The following PPP1R13L variants were observed in gnomAD, a reference collection of about 807,000 sequenced individuals.
PPP1R13L encodes the protein protein phosphatase 1 regulatory subunit 13 like.
PPP1R13L carries 50 observed loss-of-function variants against 80.9 expected under a neutral mutation model. The ratio of observed to expected loss-of-function variants is 0.62; its 90% CI spans 0.49 to 0.78. The LOEUF (loss-of-function observed/expected upper bound fraction) is 0.78, where lower values mean the gene tolerates loss of function less well. PPP1R13L is among the 30% of genes least tolerant of loss of function. The pLI, the probability that PPP1R13L is intolerant of heterozygous loss-of-function variation, is 0.00. For missense variants in PPP1R13L, 1,200 were observed against 1,205.9 expected (o/e 1.00, Z 0.07); for synonymous variants, 602 against 534.3 (o/e 1.13, Z -1.75).
intron 1 of PPP1R13L, among the ~76,000 whole-genome samples, chr19:45,404,533 A>G (rs1230531611): frequency 6.6e-6 from 1 of 152,136 alleles, no homozygotes; most frequent in Non-Finnish European, 1.5e-5. Context: ...GCTCCACTTC[A>G]GGAACCCAGG....
intron 8 of PPP1R13L, among the ~76,000 whole-genome samples, chr19:45,387,741 T>TG (rs1972897351): frequency 6.6e-6 from 1 of 152,096 alleles, no homozygotes; most frequent in Non-Finnish European, 1.5e-5. Context: ...TTAGTAAAGA[T>TG]GGGGTTTCAC....
intron 11 of PPP1R13L, among the ~76,000 whole-genome samples, chr19:45,384,366 C>CAAAAAAAAAAAA (rs770216477): frequency 2.1e-4 from 19 of 91,124 alleles, no homozygotes; most frequent in African/African-American, 4.2e-4. Flanking sequence ...ACTAAAAATA[C>CAAAAAAAAAAAA]AAAAAAAAAA....
rs1263010417 is a variant in PPP1R13L at position 45,395,302 on chromosome 19, C to T, written c.1354+134G>A. On this transcript the variant is annotated intron_variant, in intron 7 of 12. Coordinates refer to ENST00000360957, the MANE Select transcript of PPP1R13L (RefSeq NM_006663.4). ...TACCCAAATTCCCAAACTCACCTGG[C>T]CTAGCTCTCTGCAGGGACAGTGCTT... 13 of 1,260,282 alleles carry T rather than the reference C, an allele frequency of 1.0e-5. No individual in the cohort carries two copies. In the East Asian group the frequency reaches 3.0e-4, roughly 30 times the overall value. The allele number at this position is 1,260,282 out of a possible 1,614,324, so 78.1% of individuals were successfully genotyped here. A position where few individuals can be genotyped will look rare whatever the true frequency, so the allele number is the denominator to read the frequency against.
At chr19:45,393,797 C>T (rs1024332172) in intron 7 of PPP1R13L, among the ~76,000 whole-genome samples, 7 of 151,700 alleles carry the variant, frequency 4.6e-5, no homozygotes, top group Admixed American at 3.9e-4. Context: ...GGCGTGAACC[C>T]GGGAGGCGGA....
chr19:45,394,264 T>C (rs1973036409), intron 7 of PPP1R13L, among the ~76,000 whole-genome samples: 1 of 151,946 alleles, frequency 6.6e-6, no homozygotes, highest in African/African-American at 2.4e-5. Context: ...CCTGAGTAGC[T>C]GGGACTACAG....
At position 45,380,898 on chromosome 19, in the gene PPP1R13L, G is replaced by A. The variant is rs569121380; in HGVS notation, c.2449-670C>T. Among the ~76,000 whole-genome samples the A allele has an allele frequency of 1.1e-3, 163 of 150,520 alleles. 1 individual carries two copies. Among genetic ancestry groups the A allele is most frequent in the African/African-American group, 3.8e-3 (154 of 41,058 alleles). On this transcript the variant is annotated intron_variant, in intron 12 of 12. Coordinates refer to ENST00000360957, the MANE Select transcript of PPP1R13L (RefSeq NM_006663.4). ...AAATCTCCCTTCTCAGGAATGTAACGGAATCTTCCTTGCCTTCTCCCCTAA... is the reference window on the plus strand; with the variant it reads ...AAATCTCCCTTCTCAGGAATGTAACAGAATCTTCCTTGCCTTCTCCCCTAA...
Position 45,382,684 on chromosome 19 carries a change from T to C in PPP1R13L, c.2291A>G (p.Tyr764Cys). Residue 764 changes from tyrosine (Y) to cysteine (C), a missense_variant, in exon 12 of 13, where the codon TAC becomes TGC. Tyr to Cys is a radical substitution (Grantham distance 194). Coordinates refer to ENST00000360957, the MANE Select transcript of PPP1R13L (RefSeq NM_006663.4). ...SMGLMNSGAVYALWDYSAEFG... is the reference protein window; with the variant it reads ...SMGLMNSGAVCALWDYSAEFG... ...CTCGGCGCTGTAGTCCCAGAGAGCG[T>C]ACACTGCCCCGCTGTTCATCAGCCC... The C allele has an allele frequency of 1.2e-6, 2 of 1,614,014 alleles. No homozygotes were observed. The highest frequency in any genetic ancestry group is 1.7e-6 in the Non-Finnish European group (2 of 1,180,042).
chr19:45,404,695 C>G (rs776599606), intron 1 of PPP1R13L, among the ~76,000 whole-genome samples: 3 of 152,182 alleles, frequency 2.0e-5, no homozygotes, highest in Non-Finnish European at 4.4e-5. Flanking sequence ...GGGATTCGAA[C>G]CCCTATACTA....
chr19:45,392,022 C>T lies in PPP1R13L; in HGVS notation c.1673G>A (p.Gly558Glu). 1.3e-6 allele frequency: 2 copies of T among 1,542,318 alleles called. No individual in the cohort carries two copies. The highest frequency in any genetic ancestry group is 1.4e-5 in the African/African-American group (1 of 71,808). ...CAGCTCTGGCTCCGGCCCCCCGGGC[C>T]CTGGCCCCCCATGACGATGGAAGAG... is the stretch of plus-strand genomic sequence containing the variant. ...SRLFHRHGGP[G>E]PGGPEPELSP... The change falls in exon 8 of 13, where the codon GGG becomes GAG. Residue 558 changes from glycine (G) to glutamate (E), a missense_variant. Around this residue, in one of 5 missense-constraint regions of PPP1R13L, gnomAD observed 214 missense variants for 199.6 expected, o/e 1.07. Transcript: ENST00000360957.
intron 7 of PPP1R13L, 131 bp from the exon 8 acceptor site, chr19:45,392,471 T>C: frequency 1.1e-6 from 1 of 901,508 alleles, no homozygotes; most frequent in Non-Finnish European, 1.8e-6. Flanking sequence ...TTGCCCTCTC[T>C]GGGCTACACT....
chr19:45,381,305 G>A (rs1266128249), intron 12 of PPP1R13L, among the ~76,000 whole-genome samples: 2 of 150,990 alleles, frequency 1.3e-5, no homozygotes, highest in Non-Finnish European at 2.9e-5. Context: ...CAGGAGATCC[G>A]CCCGCCTTGG....
intron 3 of PPP1R13L, among the ~76,000 whole-genome samples, chr19:45,397,509 T>TCTTTCTTC (rs1973136584): frequency 6.8e-6 from 1 of 146,966 alleles, no homozygotes; most frequent in African/African-American, 2.6e-5. Context: ...TTTCTTTCTT[T>TCTTTCTTC]CTTTCTTTTC....
At chr19:45,402,448 C>T (rs1973252061) in intron 1 of PPP1R13L, among the ~76,000 whole-genome samples, 1 of 152,372 alleles carries the variant, frequency 6.6e-6, no homozygotes, top group African/African-American at 2.4e-5. Flanking sequence ...AATGCCAACC[C>T]TGGGTGTGGG....
intron 7 of PPP1R13L, chr19:45,393,204 T>TAG: frequency 6.7e-6 from 1 of 150,110 alleles, no homozygotes; most frequent in South Asian, 2.1e-4. Flanking sequence ...AAAATATATA[T>TAG]ATATACACAC....
Position 45,396,824 on chromosome 19 carries a change from C to T in PPP1R13L, c.433G>A (p.Ala145Thr). The change falls in exon 4 of 13, where the codon GCC (alanine) becomes ACC (threonine). Residue 145 changes from alanine to threonine, a missense_variant. Ala to Thr is a moderately conservative substitution (Grantham distance 58). This residue lies in a region of PPP1R13L where 764 missense variants were observed against 714.5 expected (regional missense o/e 1.07). Coordinates refer to ENST00000360957, the MANE Select transcript of PPP1R13L (RefSeq NM_006663.4). This position sits in a 1 kb window ranked among gnomAD's most constrained non-coding sequence, Gnocchi z 5.3. ...LDRATSPRPR[A>T]FDGAGSSLGR... ...AGGGAGCTGCCTGCGCCATCGAAGG[C>T]GCGGGGCCGGGGCGAGGTCGCGCGG... 2 of 1,466,950 alleles carry T rather than the reference C, an allele frequency of 1.4e-6. No individual in the cohort carries two copies. The highest frequency in any genetic ancestry group is 2.9e-5 in the East Asian group (1 of 34,934). The allele number at this position is 1,466,950 out of a possible 1,614,324, so 90.9% of individuals were successfully genotyped here.
chr19:45,389,615 G>C (rs1453005413), intron 8 of PPP1R13L, among the ~76,000 whole-genome samples: 1 of 152,016 alleles, frequency 6.6e-6, no homozygotes, highest in Non-Finnish European at 1.5e-5. Flanking sequence ...TTCAAGACCA[G>C]CCTAGCCAAC....
intron 1 of PPP1R13L, among the ~76,000 whole-genome samples, chr19:45,399,436 A>G (rs146919699): frequency 0.012 from 1,702 of 147,926 alleles, 38 homozygotes; most frequent in African/African-American, 0.038. Flanking sequence ...CATCCTGGCT[A>G]ACATGGTGAA....
At chr19:45,382,412 TC>T (rs1285347870) in intron 12 of PPP1R13L, 114 bp downstream of exon 12, 51 of 1,259,676 alleles carry the variant, frequency 4.0e-5, no homozygotes, top group Non-Finnish European at 5.5e-5. Context: ...TTTTCAGACC[TC>T]CCTCTCCCAA....
intron 8 of PPP1R13L, among the ~76,000 whole-genome samples, chr19:45,391,224 G>T (rs1431916782): frequency 6.6e-6 from 1 of 151,368 alleles, no homozygotes; most frequent in Non-Finnish European, 1.5e-5. Flanking sequence ...AGAGGAGAGA[G>T]CAGAGCAGAC....
Sources: allele counts gnomAD v4.1 joint callset (sites outside exome capture counted in the v4.1 genomes callset), GRCh38; gene constraint gnomAD v4.1.1; regional missense constraint gnomAD v4.1.1; non-coding constraint Gnocchi (gnomAD v3.1); transcripts MANE v1.5; gene names NCBI Gene and HGNC (gene_info 2026-07-23, HGNC 2026-07-21).